Variants in RABGAP1L observed in about 807,000 individuals in gnomAD.
The protein encoded by RABGAP1L is rab GTPase-activating protein 1-like.
Under a neutral mutation model 137.7 loss-of-function variants are expected in RABGAP1L, and 63 were observed. That is an observed-to-expected ratio of 0.46 (90% CI 0.37 to 0.56). The LOEUF (loss-of-function observed/expected upper bound fraction) is 0.56. Ranked by LOEUF, RABGAP1L falls within the 20% of genes least tolerant of loss-of-function variation. The pLI, the probability that RABGAP1L is intolerant of heterozygous loss-of-function variation, is 0.00. For synonymous variants in RABGAP1L, 431 were observed against 433.7 expected (o/e 0.99, Z 0.08); for missense variants, 1,095 against 1,244.0 (o/e 0.88, Z 1.80).
intron 24 of RABGAP1L, among the ~76,000 whole-genome samples, chr1:174,986,785 C>T (rs1574083111): frequency 2.0e-5 from 3 of 152,216 alleles, no homozygotes; most frequent in Non-Finnish European, 4.4e-5. Context: ...TGTCTTTGCA[C>T]ATGGTGGTGT....
intron 1 of RABGAP1L, among the ~76,000 whole-genome samples, chr1:174,197,523 C>T (rs1372406328): frequency 3.3e-5 from 5 of 152,128 alleles, no homozygotes; most frequent in South Asian, 4.2e-4. Context: ...CATTCACAAC[C>T]CCTCTGTCAC....
intron 5 of RABGAP1L, chr1:174,245,897 A>AC (rs1672216320): frequency 6.6e-6 from 1 of 152,064 alleles, no homozygotes; most frequent in Non-Finnish European, 1.5e-5. Context: ...CAGCCTCCCA[A>AC]AGTGCTGGGA....
chr1:174,374,061 T>G (rs976341995), intron 12 of RABGAP1L, among the ~76,000 whole-genome samples: 3 of 152,206 alleles, frequency 2.0e-5, no homozygotes, highest in Non-Finnish European at 2.9e-5. Flanking sequence ...GTCCTAATCT[T>G]CTTCATCTTT....
At chr1:174,486,415 C>T (rs867654185) in intron 13 of RABGAP1L, among the ~76,000 whole-genome samples, 6 of 149,188 alleles carry the variant, frequency 4.0e-5, no homozygotes, top group Middle Eastern at 3.6e-3. Flanking sequence ...GGCGTGATCT[C>T]GGCTCACTGC....
intron 19 of RABGAP1L, among the ~76,000 whole-genome samples, chr1:174,818,761 C>G (rs61028529): frequency 0.074 from 11,325 of 152,022 alleles, 605 homozygotes; most frequent in East Asian, 0.31. Context: ...GTAATCCCAG[C>G]ACTTTGGGAG....
At chr1:174,887,764 G>A (rs1306863935) in intron 19 of RABGAP1L, among the ~76,000 whole-genome samples, 1 of 152,098 alleles carries the variant, frequency 6.6e-6, no homozygotes, top group Non-Finnish European at 1.5e-5. Context: ...GGCCAGGTGC[G>A]GAGGCTCACA....
intron 14 of RABGAP1L, among the ~76,000 whole-genome samples, chr1:174,659,085 A>G (rs1352494274): frequency 6.6e-6 from 1 of 152,178 alleles, no homozygotes; most frequent in Non-Finnish European, 1.5e-5. Context: ...TGAAAGAAAG[A>G]CATAGTAATT....
At chr1:174,392,541 A>T (rs938221630) in intron 12 of RABGAP1L, among the ~76,000 whole-genome samples, 1 of 152,250 alleles carries the variant, frequency 6.6e-6, no homozygotes, top group African/African-American at 2.4e-5. Context: ...AAGCTTAGCT[A>T]GAAAAGGCTA....
chr1:174,182,377 A>C (rs1286246040), intron 1 of RABGAP1L, among the ~76,000 whole-genome samples: 1 of 152,204 alleles, frequency 6.6e-6, no homozygotes, highest in African/African-American at 2.4e-5. Context: ...TAAAATTTCT[A>C]AGTCGAAATG....
At chr1:174,598,111 A>G (rs1438243577) in intron 13 of RABGAP1L, among the ~76,000 whole-genome samples, 1 of 152,106 alleles carries the variant, frequency 6.6e-6, no homozygotes, top group Non-Finnish European at 1.5e-5. Context: ...GGGGCAGATC[A>G]CGAGGTCAGG....
At chr1:174,759,602 A>C (rs1685057824) in intron 18 of RABGAP1L, among the ~76,000 whole-genome samples, 2 of 152,054 alleles carry the variant, frequency 1.3e-5, no homozygotes, top group Non-Finnish European at 2.9e-5. Flanking sequence ...CTCCAAAAAA[A>C]AAAAAAGAAA....
At chr1:174,603,944 C>T (rs1286026521) in intron 13 of RABGAP1L, among the ~76,000 whole-genome samples, 2 of 150,858 alleles carry the variant, frequency 1.3e-5, no homozygotes, top group Non-Finnish European at 3.0e-5. Context: ...CCTTTTTACT[C>T]TCCCCTCTCC....
At chr1:174,178,765 A>G (rs2148278313) in intron 1 of RABGAP1L, among the ~76,000 whole-genome samples, 1 of 152,262 alleles carries the variant, frequency 6.6e-6, no homozygotes, top group Admixed American at 6.5e-5. Flanking sequence ...TCTCACTCAT[A>G]AGTGGGAGTT....
chr1:174,838,584 T>C (rs972580638), intron 19 of RABGAP1L, among the ~76,000 whole-genome samples: 4 of 151,770 alleles, frequency 2.6e-5, no homozygotes. Context: ...AAATAGAGAG[T>C]ATTATTTGAT....
chr1:174,448,094 T>A lies in RABGAP1L; in HGVS notation c.1710+53949T>A. 6.3e-7 allele frequency: 1 copy of A among 1,598,050 alleles called. No homozygotes were observed. The highest frequency in any genetic ancestry group is 1.1e-5 in the South Asian group (1 of 88,050). ...CTTGCTGTAGCCAAGTCTGCAGGTG[T>A]CTTTAAATTTCCAAGCCATGAATGA... On this transcript the variant is annotated intron_variant, in intron 13 of 25. Transcript: ENST00000681986. This position sits in a 1 kb window ranked among gnomAD's most constrained non-coding sequence, Gnocchi z 4.2.
At chr1:174,442,341 TTTAAATATTGCC>T (rs1654255682) in intron 13 of RABGAP1L, among the ~76,000 whole-genome samples, 1 of 152,154 alleles carries the variant, frequency 6.6e-6, no homozygotes. Context: ...TTGTATAAAA[TTTAAATATTGCC>T]TTTTCATCCT....
At chr1:174,239,706 T>A (rs1174705215) in intron 4 of RABGAP1L, among the ~76,000 whole-genome samples, 1 of 152,244 alleles carries the variant, frequency 6.6e-6, no homozygotes, top group Non-Finnish European at 1.5e-5. Flanking sequence ...CTTCAGTGGC[T>A]AGGGAAGTAA....
intron 13 of RABGAP1L, chr1:174,548,285 T>G (rs1281296403): frequency 3.0e-6 from 4 of 1,314,412 alleles, no homozygotes; most frequent in Admixed American, 3.4e-5. Context: ...ATAACATTAG[T>G]TAAGTTGTTT....
chr1:174,897,837 C>G (rs1573724971), intron 19 of RABGAP1L: 1 of 151,794 alleles, frequency 6.6e-6, no homozygotes, highest in East Asian at 1.9e-4. Flanking sequence ...TAAAAATTAG[C>G]CAGTTTGGTT....
Sources: allele counts gnomAD v4.1 joint callset (sites outside exome capture counted in the v4.1 genomes callset), GRCh38; gene constraint gnomAD v4.1.1; non-coding constraint Gnocchi (gnomAD v3.1); transcripts MANE v1.5; gene names NCBI Gene and HGNC (gene_info 2026-07-23, HGNC 2026-07-21).